Variants in RELN observed in about 807,000 individuals in gnomAD.
The protein encoded by RELN is reelin.
RELN carries 108 observed loss-of-function variants against 427.6 expected under a neutral mutation model. The observed-to-expected ratio is 0.25, with a 90% CI of 0.22 to 0.30. RELN has a LOEUF of 0.30. Ranked by LOEUF, RELN falls within the 10% of genes least tolerant of loss-of-function variation. The pLI is 1.00. For synonymous variants in RELN, 1,524 were observed against 1,513.4 expected (o/e 1.01, Z -0.16); for missense variants, 3,715 against 4,302.8 (o/e 0.86, Z 3.82).
At chr7:103,884,097 GAACTT>G (rs1486725064) in intron 2 of RELN, among the ~76,000 whole-genome samples, 1 of 152,076 alleles carries the variant, frequency 6.6e-6, no homozygotes, top group Non-Finnish European at 1.5e-5. Flanking sequence ...CAGACCAATG[GAACTT>G]AACAGAGGCC....
At chr7:103,976,339 G>A (rs1027766316) in intron 1 of RELN, among the ~76,000 whole-genome samples, 26 of 152,106 alleles carry the variant, frequency 1.7e-4, no homozygotes, top group African/African-American at 4.8e-4. Flanking sequence ...GAGTGGCATC[G>A]TCTTGGCTTT....
intron 16 of RELN, among the ~76,000 whole-genome samples, chr7:103,644,139 A>G (rs928320704): frequency 4.0e-5 from 6 of 151,802 alleles, no homozygotes; most frequent in Non-Finnish European, 7.4e-5. Flanking sequence ...AAGTAAATTA[A>G]AAAAAATAAT....
At chr7:103,937,154 T>C (rs73405609) in intron 1 of RELN, among the ~76,000 whole-genome samples, 34,107 of 152,186 alleles carry the variant, frequency 0.22, 4,522 homozygotes, top group East Asian at 0.54. Context: ...AATAAATAAA[T>C]GAAAATATCT....
chr7:103,606,781 G>C (rs1316071469), intron 22 of RELN, among the ~76,000 whole-genome samples: 2 of 151,970 alleles, frequency 1.3e-5, no homozygotes, highest in Non-Finnish European at 2.9e-5. Flanking sequence ...TGCATCTTAT[G>C]AACTTTTAAA....
intron 4 of RELN, among the ~76,000 whole-genome samples, chr7:103,756,525 CAATAAATAAT>C (rs1791159198): frequency 6.6e-6 from 1 of 151,980 alleles, no homozygotes; most frequent in African/African-American, 2.4e-5. Context: ...AATAGTGTCT[CAATAAATAAT>C]AAATTGATTT....
chr7:103,895,681 T>A (rs566351562), intron 2 of RELN, among the ~76,000 whole-genome samples: 1 of 152,182 alleles, frequency 6.6e-6, no homozygotes, highest in South Asian at 2.1e-4. Context: ...AACTCTAGTA[T>A]CTACTTTGGA....
chr7:103,958,793 A>G (rs1796488971), intron 1 of RELN, among the ~76,000 whole-genome samples: 1 of 152,166 alleles, frequency 6.6e-6, no homozygotes, highest in Non-Finnish European at 1.5e-5. Flanking sequence ...AAAAAATCAG[A>G]AACATTAGAC....
In RELN at chr7:103,640,537, G is replaced by A; in HGVS notation, c.2069+6C>T. On this transcript the variant is annotated splice_donor_region_variant and intron_variant, in intron 17 of 64. Transcript: ENST00000428762. This position sits in a 1 kb window ranked among gnomAD's most constrained non-coding sequence, Gnocchi z 4.1. ...AGAAGCATAAGTGTTATTTTAAGAT[G>A]CTTACTTGCAACCATGTCTAGTGCA... 1 of 1,613,514 alleles carries A rather than the reference G, an allele frequency of 6.2e-7. No individual in the cohort carries two copies. The highest frequency in any genetic ancestry group is 8.5e-7 in the Non-Finnish European group (1 of 1,179,604).
Position 103,862,408 on chromosome 7 carries a change from G to GTTCT in RELN, c.338-28740_338-28737dup, listed in dbSNP as rs1554432454. ...ACTAGTCTCTTCCATTTATGCTTTT[G>GTTCT]TTCTATCTATCTATCTATCTATCTA... On this transcript the variant is annotated intron_variant, in intron 2 of 64. Coordinates refer to ENST00000428762, the MANE Select transcript of RELN (RefSeq NM_005045.4). 9.6e-4 allele frequency among the ~76,000 whole-genome samples: 98 copies of GTTCT among 101,718 alleles called. 2 individuals are homozygous for GTTCT. The highest frequency in any genetic ancestry group is 4.7e-4 in the African/African-American group (13 of 27,786). The allele number at this position is 101,718 out of a possible 152,430, so 66.7% of individuals were successfully genotyped here.
intron 1 of RELN, among the ~76,000 whole-genome samples, chr7:103,926,983 T>C (rs1041987265): frequency 2.0e-5 from 3 of 152,202 alleles, no homozygotes; most frequent in African/African-American, 7.2e-5. Flanking sequence ...TATTCTCTTT[T>C]AGTACTTCCA....
At chr7:103,570,413 T>A (rs1356243820) in intron 31 of RELN, among the ~76,000 whole-genome samples, 2 of 152,226 alleles carry the variant, frequency 1.3e-5, no homozygotes, top group African/African-American at 4.8e-5. Context: ...TGAGTCCCCA[T>A]CCAGACTATT....
At chr7:103,475,050 C>A (rs1827986044) in intron 64 of RELN, among the ~76,000 whole-genome samples, 1 of 152,156 alleles carries the variant, frequency 6.6e-6, no homozygotes, top group Non-Finnish European at 1.5e-5. Flanking sequence ...CCTCTTCATG[C>A]TTAATCTTAT....
intron 8 of RELN, 22 bp downstream of exon 8, chr7:103,723,118 A>G (rs1301063972): frequency 1.3e-6 from 2 of 1,512,166 alleles, no homozygotes; most frequent in African/African-American, 1.4e-5. Context: ...TTAAATCGTT[A>G]TAACTGCTAA....
intron 3 of RELN, among the ~76,000 whole-genome samples, chr7:103,791,846 T>C (rs1056424592): frequency 2.0e-5 from 3 of 152,058 alleles, no homozygotes; most frequent in African/African-American, 7.2e-5. Flanking sequence ...AAAGAAATAG[T>C]ATCCAGTATA....
chr7:103,632,190 TCC>T (rs1832484966), intron 19 of RELN, among the ~76,000 whole-genome samples: 2 of 152,224 alleles, frequency 1.3e-5, no homozygotes, highest in African/African-American at 4.8e-5. Flanking sequence ...CCACTCTGAC[TCC>T]TACTGGTTAA....
intron 6 of RELN, among the ~76,000 whole-genome samples, chr7:103,738,672 CTTTTTTTTTTTTTTTTT>C (rs57390524): frequency 2.8e-5 from 2 of 70,466 alleles, no homozygotes; most frequent in East Asian, 4.1e-4. Flanking sequence ...TCCTTCCTTC[CTTTTTTTTTTTTTTTTT>C]TTTTTTTTTT....
intron 6 of RELN, among the ~76,000 whole-genome samples, chr7:103,735,323 C>A (rs576501914): frequency 5.9e-5 from 9 of 151,976 alleles, no homozygotes; most frequent in African/African-American, 1.4e-4. Context: ...TACCTTTGAA[C>A]AGTAGAGAGT....
rs201873652 is a variant in RELN, at chr7:103,777,883, TCACACACA to T, written c.474-1264_474-1257del. Among the ~76,000 whole-genome samples the T allele has an allele frequency of 6.7e-4, 97 of 143,974 alleles. 1 individual carries two copies. The highest frequency in any genetic ancestry group is 6.0e-3 in the South Asian group (26 of 4,314). 94.5% of individuals were successfully genotyped at this position (143,974 alleles called of 152,430 possible). On this transcript the variant is annotated intron_variant, in intron 3 of 64. Transcript: ENST00000428762. ...TTTCAGCAGTGAAAGTGTTATACCT[TCACACACA>T]CACACACACACACACACACACACAA...
Position 103,569,814 on chromosome 7 carries a change from CTG to C in RELN, c.4588+2368_4588+2369del, listed in dbSNP as rs1830841152. Among the ~76,000 whole-genome samples the C allele has an allele frequency of 6.6e-6, 1 of 152,212 alleles. No homozygotes were observed. Among genetic ancestry groups the C allele is most frequent in the South Asian group, 2.1e-4 (1 of 4,830 alleles). On this transcript the variant is annotated intron_variant, in intron 31 of 64. Transcript: ENST00000428762. The surrounding 1 kb of genome is among the most constrained non-coding windows in gnomAD (Gnocchi z 4.0). ...CTCATTAGCCATGTCATCTAACACA[CTG>C]TACATCTGAATGAACCAGGCCCTTT...
Sources: gnomAD v4.1 joint callset for allele counts (sites outside exome capture counted in the v4.1 genomes callset) on GRCh38, gnomAD v4.1.1 for gene constraint, Gnocchi (gnomAD v3.1) non-coding constraint, MANE v1.5 for transcripts, NCBI Gene and HGNC (gene_info 2026-07-23, HGNC 2026-07-21) for gene names.